The following SGCZ variants were observed in gnomAD, a reference collection of about 807,000 sequenced individuals.
SGCZ encodes the protein sarcoglycan zeta.
Under a neutral mutation model 41.3 loss-of-function variants are expected in SGCZ, and 40 were observed. That is an observed-to-expected ratio of 0.97 (90% CI 0.75 to 1.26). SGCZ has a LOEUF of 1.26. Ranked by LOEUF, SGCZ falls within the 50% of genes most tolerant of loss-of-function variation. The pLI is 0.00. For synonymous variants in SGCZ, 206 were observed against 137.5 expected, an observed-to-expected ratio of 1.50 and a Z score of -3.49; for missense variants, 552 against 369.8, an observed-to-expected ratio of 1.49 and a Z score of -4.04.
intron 1 of SGCZ, among the ~76,000 whole-genome samples, chr8:14,889,346 C>T (rs921630091): frequency 6.6e-6 from 1 of 151,788 alleles, no homozygotes; most frequent in Non-Finnish European, 1.5e-5. Context: ...TTTACTTCAA[C>T]CTGTATTTAA....
At chr8:14,344,128 C>T (rs948450588) in intron 2 of SGCZ, among the ~76,000 whole-genome samples, 3 of 151,892 alleles carry the variant, frequency 2.0e-5, no homozygotes, top group South Asian at 2.1e-4. Flanking sequence ...AAAGACAGAA[C>T]CATTGAAATC....
chr8:14,937,895 ATAAG>A (rs1800135944), intron 1 of SGCZ, among the ~76,000 whole-genome samples: 1 of 152,150 alleles, frequency 6.6e-6, no homozygotes, highest in Non-Finnish European at 1.5e-5. Flanking sequence ...TGATGAATGA[ATAAG>A]TAATATAAGA....
chr8:14,327,227 T>C (rs527515224), intron 2 of SGCZ, among the ~76,000 whole-genome samples: 1 of 152,300 alleles, frequency 6.6e-6, no homozygotes, highest in South Asian at 2.1e-4. Context: ...GTTCAGAGCA[T>C]TTTCAGGCAT....
chr8:15,004,398 G>A (rs1025290854), intron 1 of SGCZ, among the ~76,000 whole-genome samples: 2 of 152,082 alleles, frequency 1.3e-5, no homozygotes, highest in South Asian at 2.1e-4. Context: ...AAAAGGCAGG[G>A]ACTCAAGGCA....
chr8:14,880,079 AAT>A (rs1804529545), intron 1 of SGCZ, among the ~76,000 whole-genome samples: 1 of 152,106 alleles, frequency 6.6e-6, no homozygotes. Flanking sequence ...GATCTCAGGT[AAT>A]CTGCCCACCT....
At chr8:14,616,619 T>G (rs757280023) in intron 1 of SGCZ, among the ~76,000 whole-genome samples, 1 of 152,092 alleles carries the variant, frequency 6.6e-6, no homozygotes, top group Non-Finnish European at 1.5e-5. Flanking sequence ...ATAAACTTGG[T>G]GAGGGAGAAT....
At chr8:14,163,339 G>A (rs1172191489) in intron 5 of SGCZ, among the ~76,000 whole-genome samples, 1 of 151,956 alleles carries the variant, frequency 6.6e-6, no homozygotes, top group African/African-American at 2.4e-5. Context: ...CCGCTTACAG[G>A]CTCCAGTGTG....
At chr8:14,228,745 C>T (rs538873419) in intron 4 of SGCZ, among the ~76,000 whole-genome samples, 170 of 152,074 alleles carry the variant, frequency 1.1e-3, no homozygotes, top group African/African-American at 3.9e-3. Context: ...CTATCACCCT[C>T]ATTTATATAC....
intron 1 of SGCZ, among the ~76,000 whole-genome samples, chr8:14,565,313 C>CT (rs140341746): frequency 0.049 from 7,243 of 146,986 alleles, 269 homozygotes; most frequent in African/African-American, 0.11. Flanking sequence ...AATGCAATGA[C>CT]TTTTTTTTTT....
intron 1 of SGCZ, among the ~76,000 whole-genome samples, chr8:14,609,580 G>C (rs1341950649): frequency 6.6e-6 from 1 of 152,118 alleles, no homozygotes; most frequent in East Asian, 1.9e-4. Context: ...TCAGACACAT[G>C]ATAAAAATGC....
chr8:15,006,544 C>A (rs1385003643), intron 1 of SGCZ, among the ~76,000 whole-genome samples: 2 of 152,116 alleles, frequency 1.3e-5, no homozygotes, highest in Non-Finnish European at 2.9e-5. Context: ...GTTTACCCCA[C>A]GAAGAAAATA....
At chr8:15,019,838 G>C (rs1803186286) in intron 1 of SGCZ, among the ~76,000 whole-genome samples, 1 of 149,052 alleles carries the variant, frequency 6.7e-6, no homozygotes, top group Admixed American at 6.8e-5. Flanking sequence ...GGAAAACTAA[G>C]AAGAGTTCTG....
At chr8:14,776,214 T>C (rs573787126) in intron 1 of SGCZ, among the ~76,000 whole-genome samples, 8 of 152,264 alleles carry the variant, frequency 5.3e-5, no homozygotes, top group South Asian at 4.1e-4. Context: ...AAATCTTACT[T>C]TGAATTGTAA....
At chr8:15,038,826 A>G (rs1429581470) in intron 1 of SGCZ, among the ~76,000 whole-genome samples, 2 of 133,764 alleles carry the variant, frequency 1.5e-5, no homozygotes, top group Non-Finnish European at 3.2e-5. Context: ...AAAAAAAAAA[A>G]AAAAAAAAAA....
At chr8:14,748,416 G>T (rs770465965) in intron 1 of SGCZ, among the ~76,000 whole-genome samples, 2 of 152,148 alleles carry the variant, frequency 1.3e-5, no homozygotes, top group Non-Finnish European at 2.9e-5. Context: ...CTATCCTTTA[G>T]GTTGTAATAA....
chr8:14,883,723 C>T (rs1479839290), intron 1 of SGCZ, among the ~76,000 whole-genome samples: 1 of 150,238 alleles, frequency 6.7e-6, no homozygotes, highest in Non-Finnish European at 1.5e-5. Flanking sequence ...TGACTTTGAC[C>T]TGGCCTGGAG....
At chr8:14,537,768 C>T (rs565735564) in intron 2 of SGCZ, among the ~76,000 whole-genome samples, 4 of 151,930 alleles carry the variant, frequency 2.6e-5, no homozygotes, top group African/African-American at 7.2e-5. Flanking sequence ...GAAATTGCTG[C>T]CATGATAAAA....
Position 14,792,176 on chromosome 8 carries a change from T to G in SGCZ, c.40-237250A>C, listed in dbSNP as rs1220146717. Among the ~76,000 whole-genome samples the G allele has an allele frequency of 4.6e-5, 7 of 152,338 alleles. No homozygotes were observed. The East Asian group carries it at 1.2e-3, about 25-fold the overall frequency. On this transcript the variant is annotated intron_variant, in intron 1 of 7. Transcript: ENST00000382080. ...GATAAATACACTTTTCATAGTTTAG[T>G]GCTACATTACCCATGAAGTGTCACA...
At chr8:14,116,443 G>T (rs190108322) in intron 5 of SGCZ, among the ~76,000 whole-genome samples, 1 of 151,880 alleles carries the variant, frequency 6.6e-6, no homozygotes, top group African/African-American at 2.4e-5. Flanking sequence ...CAGAATCTTC[G>T]TACACACAGC....
Sources: gnomAD v4.1 joint callset for allele counts (sites outside exome capture counted in the v4.1 genomes callset) on GRCh38, gnomAD v4.1.1 for gene constraint, MANE v1.5 for transcripts, NCBI Gene and HGNC (gene_info 2026-07-23, HGNC 2026-07-21) for gene names.